Variants in TM2D3 observed in about 807,000 individuals in gnomAD.
TM2D3 encodes the protein TM2 domain containing 3, also known as TM2 domain-containing protein 3.
A neutral mutation model predicts 27.3 loss-of-function variants in TM2D3; 33 were observed. The ratio of observed to expected loss-of-function variants is 1.21; its 90% CI spans 0.92 to 1.61. The LOEUF (loss-of-function observed/expected upper bound fraction) is 1.61. Among genes scored for constraint, TM2D3 ranks in the 40% most tolerant of loss-of-function variants. The pLI, the probability that TM2D3 is intolerant of heterozygous loss-of-function variation, is 0.00. For missense variants in TM2D3, 364 were observed against 320.8 expected (o/e 1.13, Z -1.03); for synonymous variants, 138 against 122.2 (o/e 1.13, Z -0.85).
At chr15:101,644,538 C>T (rs375169088) in intron 5 of TM2D3, among the ~76,000 whole-genome samples, 4 of 152,170 alleles carry the variant, frequency 2.6e-5, no homozygotes, top group African/African-American at 4.8e-5. Context: ...GTGTAGGCAG[C>T]GTAACCTTTT....
chr15:101,640,759 G>A (rs147799948), downstream of TM2D3, among the ~76,000 whole-genome samples: 44 of 152,340 alleles, frequency 2.9e-4, no homozygotes, highest in East Asian at 7.3e-3. Flanking sequence ...TTGATCTGAA[G>A]CATTCCTGAC....
At chr15:101,643,165 TAA>T (rs1896711625) in intron 5 of TM2D3, among the ~76,000 whole-genome samples, 1 of 152,018 alleles carries the variant, frequency 6.6e-6, no homozygotes, top group South Asian at 2.1e-4. Context: ...CACCTAACAA[TAA>T]AAAGTAAAGA....
chr15:101,648,915 T>C (rs1442811133), intron 3 of TM2D3, among the ~76,000 whole-genome samples: 1 of 152,178 alleles, frequency 6.6e-6, no homozygotes, highest in African/African-American at 2.4e-5. Context: ...AGCTCAACGA[T>C]TGTGTGCATG....
At chr15:101,634,776 G>C (rs768791044) in intron 4 of TM2D3, 2 of 152,114 alleles carry the variant, frequency 1.3e-5, no homozygotes, top group Admixed American at 1.3e-4. Flanking sequence ...TACAAACTAA[G>C]TACAAAAATA....
chr15:101,644,337 TG>T (rs1233559226), intron 5 of TM2D3, among the ~76,000 whole-genome samples: 1 of 152,110 alleles, frequency 6.6e-6, no homozygotes, highest in East Asian at 1.9e-4. Flanking sequence ...CTGCAAGGGA[TG>T]GGGGGTTTGC....
At chr15:101,652,076 T>G (rs926895189) in intron 1 of TM2D3, 195 bp downstream of exon 1, 8 of 565,294 alleles carry the variant, frequency 1.4e-5, no homozygotes, top group Non-Finnish European at 1.8e-5. Context: ...GGGCTCGGTG[T>G]CGCCGGAGCG....
chr15:101,642,399 A>G lies in TM2D3; in HGVS notation c.*80T>C. The G allele has an allele frequency of 7.0e-7, 1 of 1,433,914 alleles. No homozygotes were observed. The highest frequency in any genetic ancestry group is 9.2e-7 in the Non-Finnish European group (1 of 1,087,722). 88.8% of individuals were successfully genotyped at this position (1,433,914 alleles called of 1,614,324 possible). ...TGCTGTACATTAAAAACATAGAAAT[A>G]TATCACTCACACCACATCAACTCCT... On this transcript the variant is annotated 3_prime_UTR_variant, in exon 6 of 6. Coordinates refer to ENST00000333202, the MANE Select transcript of TM2D3 (RefSeq NM_078474.3).
At chr15:101,640,184 A>C (rs1896635673), downstream of TM2D3, among the ~76,000 whole-genome samples, 1 of 152,190 alleles carries the variant, frequency 6.6e-6, no homozygotes, top group African/African-American at 2.4e-5. Context: ...TTTCCACCCC[A>C]AATTCACATG....
At chr15:101,634,844 T>C (rs1409168679) in intron 4 of TM2D3, 4 of 152,222 alleles carry the variant, frequency 2.6e-5, no homozygotes, top group Non-Finnish European at 5.9e-5. Flanking sequence ...TAAACAATTA[T>C]CTTTAAATGC....
In TM2D3 at chr15:101,642,212, T is replaced by A. The variant is rs1896685921; in HGVS notation, c.*267A>T. On this transcript the variant is annotated 3_prime_UTR_variant, in exon 6 of 6. Transcript: ENST00000333202. ...AATACAAAACAAAAGTCATAGGAAT[T>A]AAATGGATTTTCAATCACTGTATAA... The A allele has an allele frequency of 1.8e-6, 2 of 1,121,464 alleles. No homozygotes were observed. The highest frequency in any genetic ancestry group is 3.2e-5 in the African/African-American group (2 of 61,738). 69.5% of individuals were successfully genotyped at this position (1,121,464 alleles called of 1,614,324 possible). A position where few individuals can be genotyped will look rare whatever the true frequency, so the allele number is the denominator to read the frequency against.
intron 3 of TM2D3, among the ~76,000 whole-genome samples, chr15:101,647,400 T>G (rs1159056456): frequency 6.6e-6 from 1 of 152,170 alleles, no homozygotes; most frequent in African/African-American, 2.4e-5. Context: ...ACCGCCTTGC[T>G]TCCGAGTTGC....
chr15:101,637,310 T>A (rs1896572196), downstream of TM2D3, among the ~76,000 whole-genome samples: 1 of 152,162 alleles, frequency 6.6e-6, no homozygotes, highest in African/African-American at 2.4e-5. Flanking sequence ...GAGAATAGAT[T>A]GGAAATGTTT....
intron 1 of TM2D3, 21 bp downstream of exon 1, chr15:101,652,250 T>C: frequency 6.3e-7 from 1 of 1,599,934 alleles, no homozygotes; most frequent in Non-Finnish European, 8.5e-7. Flanking sequence ...CACCCGGCGC[T>C]GAACCCAGCC....
In TM2D3 at chr15:101,647,829, T is replaced by C. The variant is rs191815771; in HGVS notation, c.328-930A>G. On this transcript the variant is annotated intron_variant, in intron 3 of 5. Coordinates refer to ENST00000333202, the MANE Select transcript of TM2D3 (RefSeq NM_078474.3). ...AGTGCATATTTTTCAAAATCATTTT[T>C]ATGTGGTCACACATCTCTGGAAGCA... 2.9e-3 allele frequency among the ~76,000 whole-genome samples: 438 copies of C among 152,306 alleles called. 2 individuals carry two copies. The highest frequency in any genetic ancestry group is 1.0e-2 in the African/African-American group (414 of 41,582).
At chr15:101,647,933 T>C (rs1896858664) in intron 3 of TM2D3, among the ~76,000 whole-genome samples, 1 of 152,152 alleles carries the variant, frequency 6.6e-6, no homozygotes, top group African/African-American at 2.4e-5. Flanking sequence ...AGTCTCGCTC[T>C]GTCGCCCAGG....
intron 4 of TM2D3, chr15:101,633,936 G>C: frequency 2.3e-6 from 1 of 442,656 alleles, no homozygotes; most frequent in South Asian, 5.5e-5. Context: ...CAACTATCAT[G>C]AAAATGCCTC....
chr15:101,638,773 C>T (rs1412282934), downstream of TM2D3, among the ~76,000 whole-genome samples: 1 of 152,084 alleles, frequency 6.6e-6, no homozygotes, highest in Admixed American at 6.5e-5. Flanking sequence ...TGGTTTTGGG[C>T]AGGAAGGAGG....
chr15:101,638,363 C>G (rs1030858564), downstream of TM2D3, among the ~76,000 whole-genome samples: 1 of 151,570 alleles, frequency 6.6e-6, no homozygotes. Flanking sequence ...GGTATGATCT[C>G]GGCTCACAGC....
Position 101,652,371 on chromosome 15 carries a change from G to T in TM2D3, c.-10C>A, listed in dbSNP as rs761039831. On this transcript the variant is annotated 5_prime_UTR_variant, in exon 1 of 6. Coordinates refer to ENST00000333202, the MANE Select transcript of TM2D3 (RefSeq NM_078474.3). Reference sequence around the variant, plus strand: ...GCACCCCTCCCGCCATCTTGCCAGCGCCTGCGCACTTCCGGGCCGGGGGGC... The same window carrying T: ...GCACCCCTCCCGCCATCTTGCCAGCTCCTGCGCACTTCCGGGCCGGGGGGC... The T allele has an allele frequency of 8.8e-6, 14 of 1,587,192 alleles. No homozygotes were observed. The highest frequency in any genetic ancestry group is 1.7e-4 in the Middle Eastern group (1 of 5,996).
Sources: gnomAD v4.1 joint callset for allele counts (sites outside exome capture counted in the v4.1 genomes callset) on GRCh38, gnomAD v4.1.1 for gene constraint, MANE v1.5 for transcripts, NCBI Gene and HGNC (gene_info 2026-07-23, HGNC 2026-07-21) for gene names.